Variants in PPP2R5C observed in about 807,000 individuals in gnomAD.
PPP2R5C encodes the protein protein phosphatase 2 regulatory subunit B'gamma.
A neutral mutation model predicts 68.9 loss-of-function variants in PPP2R5C; 7 were observed. That is an observed-to-expected ratio of 0.10 (90% CI 0.06 to 0.19). The LOEUF is 0.19. Ranked by LOEUF, PPP2R5C falls within the 10% of genes least tolerant of loss-of-function variation. The probability of loss-of-function intolerance (pLI) is 1.00; values close to 1 mark genes in which losing one functional copy is unlikely to be tolerated. For synonymous variants in PPP2R5C, 210 were observed against 222.2 expected, an observed-to-expected ratio of 0.95 and a Z score of 0.49; for missense variants, 348 against 641.3, an observed-to-expected ratio of 0.54 and a Z score of 4.94.
At chr14:101,833,216 TG>T (rs1208076069) in intron 1 of PPP2R5C, among the ~76,000 whole-genome samples, 2 of 152,222 alleles carry the variant, frequency 1.3e-5, no homozygotes, top group African/African-American at 4.8e-5. Context: ...AGGAAAAACA[TG>T]GGCGCCTAGG....
intron 2 of PPP2R5C, chr14:101,765,734 AT>A (rs544989366): frequency 0.078 from 8,935 of 115,112 alleles, 152 homozygotes; most frequent in Admixed American, 0.087. Flanking sequence ...TGCCCAGCTA[AT>A]TTTTTTTTTT....
intron 1 of PPP2R5C, among the ~76,000 whole-genome samples, chr14:101,850,910 T>C (rs2042121435): frequency 6.6e-6 from 1 of 152,222 alleles, no homozygotes; most frequent in Admixed American, 6.5e-5. Context: ...TTAGTACATA[T>C]TAATGATGAA....
At chr14:101,870,580 T>C (rs1340194115) in intron 2 of PPP2R5C, among the ~76,000 whole-genome samples, 1 of 152,262 alleles carries the variant, frequency 6.6e-6, no homozygotes. Context: ...GATCAGGTTG[T>C]GTGACTGCTA....
At chr14:101,824,915 CTGTTGGGGTATG>C (rs1278534168) in intron 1 of PPP2R5C, 1 of 152,752 alleles carries the variant, frequency 6.5e-6, no homozygotes, top group East Asian at 1.9e-4. Flanking sequence ...ATGATTCAGC[CTGTTGGGGTATG>C]TGTTGGGGGT....
At chr14:101,848,446 G>T (rs112333124) in intron 1 of PPP2R5C, among the ~76,000 whole-genome samples, 2 of 151,872 alleles carry the variant, frequency 1.3e-5, no homozygotes, top group African/African-American at 2.4e-5. Flanking sequence ...CAGGAGAATC[G>T]CTTGAACCCA....
At chr14:101,784,820 G>A (rs999158908) in intron 2 of PPP2R5C, among the ~76,000 whole-genome samples, 10 of 152,186 alleles carry the variant, frequency 6.6e-5, no homozygotes, top group Non-Finnish European at 1.5e-4. Flanking sequence ...AGCAGCTGTT[G>A]GCTGTCACTG....
chr14:101,790,952 C>T (rs1346979263), intron 3 of PPP2R5C, among the ~76,000 whole-genome samples: 2 of 152,132 alleles, frequency 1.3e-5, no homozygotes, highest in Non-Finnish European at 2.9e-5. Context: ...TGGTGGCACT[C>T]GCTTGTAGCC....
Position 101,775,715 on chromosome 14 carries a change from G to A in PPP2R5C, c.94-10303G>A, listed in dbSNP as rs561947905. Among the ~76,000 whole-genome samples the A allele has an allele frequency of 5.7e-4, 87 of 152,290 alleles. 1 individual carries two copies. The highest frequency in any genetic ancestry group is 2.9e-5 in the Non-Finnish European group (2 of 68,006). ...GGCAGTGGGGCTGGGCCCAGGGCCA[G>A]CAGTCCACCTACCCTGGCTAGGAAC... On this transcript the variant is annotated intron_variant, in intron 2 of 14. Transcript: ENST00000328724.
intron 1 of PPP2R5C, among the ~76,000 whole-genome samples, chr14:101,838,294 A>C (rs61995278): frequency 0.098 from 14,870 of 152,298 alleles, 765 homozygotes; most frequent in Middle Eastern, 0.14. Context: ...TGTAAGAAGT[A>C]GTAATCGTCG....
At chr14:101,815,669 T>C (rs1046685850) in intron 1 of PPP2R5C, among the ~76,000 whole-genome samples, 1 of 152,164 alleles carries the variant, frequency 6.6e-6, no homozygotes, top group Non-Finnish European at 1.5e-5. Context: ...GAAATAGCTA[T>C]CTACTATATT....
intron 2 of PPP2R5C, chr14:101,766,586 CAT>C (rs750536430): frequency 6.6e-6 from 1 of 152,196 alleles, no homozygotes; most frequent in African/African-American, 2.4e-5. Flanking sequence ...CCTTGAATGA[CAT>C]GTGTTGGTAC....
At position 101,906,681 on chromosome 14, in the gene PPP2R5C, G is replaced by A. The variant is rs938536711; in HGVS notation, c.1151+152G>A. On this transcript the variant is annotated intron_variant, in intron 10 of 13. Transcript: ENST00000334743. This position sits in a 1 kb window ranked among gnomAD's most constrained non-coding sequence, Gnocchi z 4.0. Reference sequence around the variant, plus strand: ...GTGGACTCATAAATTAAGTAGCAGCGTGGGTTGTTTCTGTGGCCGTTGAAT... The same window carrying A: ...GTGGACTCATAAATTAAGTAGCAGCATGGGTTGTTTCTGTGGCCGTTGAAT... The A allele has an allele frequency of 5.6e-5, 60 of 1,063,444 alleles. No homozygotes were observed. The highest frequency in any genetic ancestry group is 5.2e-4 in the South Asian group (30 of 57,414). The allele number at this position is 1,063,444 out of a possible 1,614,324, so 65.9% of individuals were successfully genotyped here. A position where few individuals can be genotyped will look rare whatever the true frequency, so the allele number is the denominator to read the frequency against.
chr14:101,894,660 T>C, intron 8 of PPP2R5C, 100 bp downstream of exon 10: 1 of 1,169,290 alleles, frequency 8.6e-7, no homozygotes, highest in Admixed American at 1.8e-5. Context: ...TTCAGACTTT[T>C]TCATCTTAAA....
At position 101,781,625 on chromosome 14, in the gene PPP2R5C, CGCCTCCGGA is replaced by C. The variant is rs904884882; in HGVS notation, c.94-4384_94-4376del. ...AAGGAGACCCTTAGCTCCCGCCGGC[CGCCTCCGGA>C]GCCTCCGGCATGGGCCCCAGGCCGG... On this transcript the variant is annotated intron_variant, in intron 2 of 14. Transcript: ENST00000328724. The surrounding 1 kb of genome is among the most constrained non-coding windows in gnomAD (Gnocchi z 6.4). 5.3e-5 allele frequency among the ~76,000 whole-genome samples: 8 copies of C among 152,134 alleles called. No homozygotes were observed. Among genetic ancestry groups the C allele is most frequent in the Non-Finnish European group, 1.2e-4 (8 of 67,994 alleles).
At chr14:101,921,823 G>A (rs1172706439) in intron 13 of PPP2R5C, among the ~76,000 whole-genome samples, 1 of 152,192 alleles carries the variant, frequency 6.6e-6, no homozygotes. Context: ...CTGGATTTTT[G>A]TGGAGAAATT....
intron 2 of PPP2R5C, among the ~76,000 whole-genome samples, chr14:101,764,901 T>C (rs1281805293): frequency 2.0e-5 from 3 of 152,062 alleles, no homozygotes; most frequent in African/African-American, 7.3e-5. Context: ...CCTCTTACTT[T>C]AGCTATATTC....
At chr14:101,761,422 G>A (rs1349073149), upstream of PPP2R5C, among the ~76,000 whole-genome samples, 1 of 151,670 alleles carries the variant, frequency 6.6e-6, no homozygotes, top group African/African-American at 2.4e-5. Context: ...GCGCCAGGAG[G>A]CCGCGGCCTG....
At chr14:101,842,515 G>T (rs1421694806) in intron 1 of PPP2R5C, among the ~76,000 whole-genome samples, 1 of 152,182 alleles carries the variant, frequency 6.6e-6, no homozygotes, top group Non-Finnish European at 1.5e-5. Flanking sequence ...ACTCATCAGG[G>T]TCCCCACCCA....
intron 3 of PPP2R5C, among the ~76,000 whole-genome samples, chr14:101,801,229 A>G (rs2140139293): frequency 6.6e-6 from 1 of 152,366 alleles, no homozygotes; most frequent in South Asian, 2.1e-4. Flanking sequence ...TTCCAACACA[A>G]AGAAAAGATA....
Sources: gnomAD v4.1 joint callset for allele counts (sites outside exome capture counted in the v4.1 genomes callset) on GRCh38, gnomAD v4.1.1 for gene constraint, Gnocchi (gnomAD v3.1) non-coding constraint, MANE v1.5 for transcripts, NCBI Gene and HGNC (gene_info 2026-07-23, HGNC 2026-07-21) for gene names.